Variants in PVT1 observed in about 807,000 individuals in gnomAD.
PVT1 encodes Pvt1 oncogene, also known as CXCR4/PVT1 fusion.
At chr8:127,862,525 C>T (rs1049841145) in intron 2 of PVT1, among the ~76,000 whole-genome samples, 33 of 152,112 alleles carry the variant, frequency 2.2e-4, no homozygotes, top group African/African-American at 7.7e-4. Flanking sequence ...GCTTAGACCT[C>T]CCAAGCTCAA....
At chr8:127,891,860 C>T (rs1213679273) in intron 3 of PVT1, among the ~76,000 whole-genome samples, 1 of 152,224 alleles carries the variant, frequency 6.6e-6, no homozygotes, top group South Asian at 2.1e-4. Flanking sequence ...AATGGAGTCT[C>T]ATGCCAGCTG....
At chr8:127,956,013 T>A (rs1816564941) in intron 3 of PVT1, among the ~76,000 whole-genome samples, 1 of 152,250 alleles carries the variant, frequency 6.6e-6, no homozygotes, top group South Asian at 2.1e-4. Flanking sequence ...GCCTTTGAAT[T>A]TGCCTGTCAT....
At position 127,887,235 on chromosome 8, in the gene PVT1, A is replaced by G. The variant is rs1169372973; in HGVS notation, n.373-3354A>G. ...CCTGATGTTTCAGTGCAGCAACACC[A>G]TCTGAGTGTTAGCCACTCACATGTT... On this transcript the variant is annotated intron_variant and non_coding_transcript_variant, in intron 2 of 10. Transcript: ENST00000651587. Among the ~76,000 whole-genome samples, 3 of 152,214 alleles carry G rather than the reference A, an allele frequency of 2.0e-5. No homozygotes were observed. In the East Asian group the frequency reaches 5.8e-4, roughly 29 times the overall value.
chr8:127,974,312 A>G (rs953013661), intron 3 of PVT1, among the ~76,000 whole-genome samples: 2 of 152,092 alleles, frequency 1.3e-5, no homozygotes, highest in African/African-American at 4.8e-5. Context: ...ATCCTTTCTC[A>G]TATCCTGAAT....
rs190319798 is a variant in PVT1 at position 127,889,556 on chromosome 8, T to C, written n.373-1033T>C. Among the ~76,000 whole-genome samples, 31 of 152,002 alleles carry C rather than the reference T, an allele frequency of 2.0e-4. No individual in the cohort carries two copies. In the East Asian group the frequency reaches 3.3e-3, roughly 16 times the overall value. Reference sequence around the variant, plus strand: ...TCGGTTAACAATAATCTACAACTCATAGTTTTTTGTGAGGATGAAATGAGG... The same window carrying C: ...TCGGTTAACAATAATCTACAACTCACAGTTTTTTGTGAGGATGAAATGAGG... On this transcript the variant is annotated intron_variant and non_coding_transcript_variant, in intron 2 of 10. Coordinates refer to ENST00000651587, the Ensembl canonical transcript of PVT1.
chr8:128,085,326 G>A (rs2542406), intron 5 of PVT1, among the ~76,000 whole-genome samples: 9 of 151,940 alleles, frequency 5.9e-5, no homozygotes, highest in Non-Finnish European at 7.4e-5. Context: ...CAAGTGAGAA[G>A]CACCCAGCCA....
At chr8:128,065,237 G>A (rs142777508) in intron 4 of PVT1, among the ~76,000 whole-genome samples, 3 of 151,764 alleles carry the variant, frequency 2.0e-5, no homozygotes, top group African/African-American at 4.8e-5. Flanking sequence ...TGTCTCCCAG[G>A]CTGGAGTGCA....
chr8:127,945,974 G>A (rs915369415), intron 3 of PVT1, among the ~76,000 whole-genome samples: 9 of 152,154 alleles, frequency 5.9e-5, no homozygotes, highest in South Asian at 2.1e-4. Flanking sequence ...TACCAGCCTC[G>A]CTGCGGGTTG....
intron 3 of PVT1, among the ~76,000 whole-genome samples, chr8:127,929,156 T>C (rs1340432544): frequency 6.6e-6 from 1 of 151,812 alleles, no homozygotes; most frequent in Non-Finnish European, 1.5e-5. Flanking sequence ...ATGAAAGGTC[T>C]TTTTAAGCTG....
intron 4 of PVT1, among the ~76,000 whole-genome samples, chr8:128,014,122 C>A (rs151293689): frequency 6.6e-6 from 1 of 152,284 alleles, no homozygotes; most frequent in Non-Finnish European, 1.5e-5. Context: ...GTGTCTCTCA[C>A]GAAGCTCTGT....
At chr8:127,904,788 A>C (rs750297707) in intron 3 of PVT1, among the ~76,000 whole-genome samples, 1 of 152,214 alleles carries the variant, frequency 6.6e-6, no homozygotes, top group African/African-American at 2.4e-5. Flanking sequence ...GGCTGGCTAC[A>C]TAATATGTGG....
intron 2 of PVT1, among the ~76,000 whole-genome samples, chr8:127,863,046 G>T (rs1815245166): frequency 6.6e-6 from 1 of 151,264 alleles, no homozygotes; most frequent in Non-Finnish European, 1.5e-5. Flanking sequence ...GTGAATACAA[G>T]GATCTACCCC....
chr8:127,805,033 T>G (rs1814510650), intron 2 of PVT1, among the ~76,000 whole-genome samples: 1 of 149,766 alleles, frequency 6.7e-6, no homozygotes. Context: ...CGGGTTCAAG[T>G]GATTCTCCTG....
chr8:127,934,370 T>G (rs1816246251), intron 3 of PVT1, among the ~76,000 whole-genome samples: 1 of 152,188 alleles, frequency 6.6e-6, no homozygotes, highest in Admixed American at 6.5e-5. Context: ...TGGTGGTGAC[T>G]GGGGTGGGGA....
chr8:128,002,968 T>C (rs867307353), intron 4 of PVT1, among the ~76,000 whole-genome samples: 16 of 84,584 alleles, frequency 1.9e-4, no homozygotes, highest in South Asian at 1.8e-3. Context: ...CCTCCCTCCC[T>C]CTTCCTTCCT....
At chr8:128,004,395 C>T (rs924266472) in intron 4 of PVT1, among the ~76,000 whole-genome samples, 2 of 152,144 alleles carry the variant, frequency 1.3e-5, no homozygotes, top group Non-Finnish European at 2.9e-5. Context: ...CACTTCTTCA[C>T]CTTTCTCTAC....
chr8:127,941,531 G>A lies in PVT1; in HGVS notation n.783-47631G>A, dbSNP rs557041834. 2.6e-5 allele frequency among the ~76,000 whole-genome samples: 4 copies of A among 152,286 alleles called. No homozygotes were observed. The East Asian group carries it at 7.7e-4, about 29-fold the overall frequency. On this transcript the variant is annotated intron_variant and non_coding_transcript_variant, in intron 3 of 10. Transcript: ENST00000651587. ...CATGTGAATTTGGCAGCATTGAATT[G>A]TTGACCTATAAAAGGTCAACTTAAT...
rs4733808 is a variant in PVT1 at position 127,958,432 on chromosome 8, G to T, written n.783-30730G>T. Among the ~76,000 whole-genome samples the T allele has an allele frequency of 4.4e-3, 676 of 152,228 alleles. 3 individuals carry two copies. The highest frequency in any genetic ancestry group is 5.8e-3 in the Non-Finnish European group (392 of 68,010). On this transcript the variant is annotated intron_variant and non_coding_transcript_variant, in intron 3 of 10. Transcript: ENST00000651587. ...TTTTTTGTATTTTATTGGAGCTGGG[G>T]TTTCACCGTGTTGCCCAGGCTGGTC...
At chr8:128,063,381 G>A (rs1230301850) in intron 4 of PVT1, among the ~76,000 whole-genome samples, 1 of 152,106 alleles carries the variant, frequency 6.6e-6, no homozygotes, top group African/African-American at 2.4e-5. Flanking sequence ...GTGCGGTGGA[G>A]GACGCCTACA....
Sources: gnomAD v4.1 joint callset for allele counts (sites outside exome capture counted in the v4.1 genomes callset) on GRCh38, gnomAD v4.1.1 for gene constraint, MANE v1.5 for transcripts, NCBI Gene and HGNC (gene_info 2026-07-23, HGNC 2026-07-21) for gene names.